The following NR2F1-AS1 variants were observed in gnomAD, a reference collection of about 807,000 sequenced individuals.
NR2F1-AS1 encodes the protein NR2F1 regulatory antisense RNA 1.
intron 4 of NR2F1-AS1, among the ~76,000 whole-genome samples, chr5:93,412,659 A>G (rs1030625293): frequency 4.6e-5 from 7 of 152,144 alleles, no homozygotes; most frequent in African/African-American, 1.7e-4. Flanking sequence ...CGGTTGCCTT[A>G]TGCCTTGCCC....
At chr5:93,415,678 G>A (rs1220678413) in intron 4 of NR2F1-AS1, among the ~76,000 whole-genome samples, 3 of 152,106 alleles carry the variant, frequency 2.0e-5, no homozygotes, top group Non-Finnish European at 2.9e-5. Flanking sequence ...AAAGTCAAAG[G>A]CACATTGCCC....
chr5:93,551,645 A>G (rs1200812937), intron 4 of NR2F1-AS1, among the ~76,000 whole-genome samples: 4 of 152,014 alleles, frequency 2.6e-5, no homozygotes, highest in Non-Finnish European at 5.9e-5. Context: ...TCCTCCTTTG[A>G]TTTACTCTTC....
intron 4 of NR2F1-AS1, among the ~76,000 whole-genome samples, chr5:93,534,306 C>T (rs894987821): frequency 2.0e-5 from 3 of 152,104 alleles, no homozygotes; most frequent in African/African-American, 7.2e-5. Context: ...GGTTACTTGG[C>T]TAGCAAATAA....
intron 4 of NR2F1-AS1, among the ~76,000 whole-genome samples, chr5:93,443,279 A>G (rs1297126102): frequency 6.6e-6 from 1 of 152,212 alleles, no homozygotes; most frequent in African/African-American, 2.4e-5. Flanking sequence ...TGAACCCATC[A>G]CAAAGAAGCT....
In NR2F1-AS1 at chr5:93,579,893, G is replaced by C. The variant is rs1348161680; in HGVS notation, n.313+574C>G. ...AGCGGCTCGATGTCCCTTTTAATCC[G>C]CTGACACTATCGCCCACATCAGACA... On this transcript the variant is annotated intron_variant and non_coding_transcript_variant, in intron 1 of 5. Transcript: ENST00000660523. The surrounding 1 kb of genome is among the most constrained non-coding windows in gnomAD (Gnocchi z 5.1). 2.6e-5 allele frequency among the ~76,000 whole-genome samples: 4 copies of C among 152,302 alleles called. No homozygotes were observed. In the East Asian group the frequency reaches 7.8e-4, roughly 30 times the overall value.
intron 4 of NR2F1-AS1, among the ~76,000 whole-genome samples, chr5:93,476,323 G>A (rs1750483702): frequency 6.6e-6 from 1 of 152,096 alleles, no homozygotes; most frequent in Non-Finnish European, 1.5e-5. Flanking sequence ...AACAATGCCA[G>A]CATCATCATT....
rs547312028 is a variant in NR2F1-AS1, at chr5:93,489,102, T to C, written n.638+64659A>G. On this transcript the variant is annotated intron_variant and non_coding_transcript_variant, in intron 4 of 5. Coordinates refer to ENST00000660523, the Ensembl canonical transcript of NR2F1-AS1. The stretch of plus-strand genomic sequence containing the variant: ...TCACACAGTGGGGCCTGTTGGAGGG[T>C]GGAGGACTATGGAAGGGATAGCATT... 6.0e-5 allele frequency among the ~76,000 whole-genome samples: 9 copies of C among 150,888 alleles called. No homozygotes were observed. In the South Asian group the frequency reaches 1.9e-3, roughly 32 times the overall value.
At chr5:93,459,888 C>A (rs1158172471) in intron 4 of NR2F1-AS1, among the ~76,000 whole-genome samples, 1 of 152,072 alleles carries the variant, frequency 6.6e-6, no homozygotes, top group African/African-American at 2.4e-5. Flanking sequence ...TAAGGAAACC[C>A]TACAAGGAGC....
chr5:93,519,525 T>C (rs1408821879), intron 4 of NR2F1-AS1, among the ~76,000 whole-genome samples: 1 of 152,024 alleles, frequency 6.6e-6, no homozygotes, highest in Non-Finnish European at 1.5e-5. Context: ...CTACACTGTA[T>C]GTTTTGGTAA....
chr5:93,505,322 T>TGTC (rs753819777), intron 4 of NR2F1-AS1, among the ~76,000 whole-genome samples: 10 of 152,284 alleles, frequency 6.6e-5, no homozygotes, highest in Non-Finnish European at 1.5e-4. Flanking sequence ...TAATGTTGCG[T>TGTC]GTCTGCAGCT....
chr5:93,457,098 T>C (rs764956791), intron 4 of NR2F1-AS1, among the ~76,000 whole-genome samples: 1 of 152,154 alleles, frequency 6.6e-6, no homozygotes, highest in Non-Finnish European at 1.5e-5. Flanking sequence ...GATGCCTTCC[T>C]CTTATCTCAA....
At chr5:93,584,167 G>A (rs949912359), upstream of NR2F1-AS1, 12 of 148,960 alleles carry the variant, frequency 8.1e-5, no homozygotes, top group Admixed American at 4.0e-4. Context: ...GACAGCGGCG[G>A]CGCCGCGGGC....
intron 4 of NR2F1-AS1, among the ~76,000 whole-genome samples, chr5:93,489,338 C>G (rs1388260639): frequency 6.6e-6 from 1 of 151,890 alleles, no homozygotes; most frequent in Non-Finnish European, 1.5e-5. Flanking sequence ...AGACCCTCCA[C>G]CGGCAAAAAG....
intron 4 of NR2F1-AS1, among the ~76,000 whole-genome samples, chr5:93,526,397 G>A (rs980719935): frequency 3.2e-4 from 49 of 152,200 alleles, no homozygotes; most frequent in African/African-American, 1.2e-3. Context: ...GAGATTCACA[G>A]ACGAATTCTA....
chr5:93,515,273 G>A (rs1195615023), intron 4 of NR2F1-AS1, among the ~76,000 whole-genome samples: 1 of 151,716 alleles, frequency 6.6e-6, no homozygotes, highest in Non-Finnish European at 1.5e-5. Context: ...AGTTTACCTA[G>A]CTAATTATGG....
chr5:93,572,524 C>G (rs1169541527), intron 1 of NR2F1-AS1, among the ~76,000 whole-genome samples: 1 of 152,192 alleles, frequency 6.6e-6, no homozygotes, highest in Non-Finnish European at 1.5e-5. Flanking sequence ...CCTCGCTCCC[C>G]GCAGCCACGC....
intron 4 of NR2F1-AS1, among the ~76,000 whole-genome samples, chr5:93,517,949 A>G (rs1379715736): frequency 2.0e-5 from 3 of 152,042 alleles, no homozygotes; most frequent in African/African-American, 7.2e-5. Flanking sequence ...GATTAAAAAA[A>G]CCATTCATTA....
intron 4 of NR2F1-AS1, among the ~76,000 whole-genome samples, chr5:93,449,315 G>A (rs1002253917): frequency 1.3e-5 from 2 of 152,054 alleles, no homozygotes. Context: ...AGTATGAGTA[G>A]AGTTTATATT....
chr5:93,531,820 C>T (rs115336961), intron 4 of NR2F1-AS1, among the ~76,000 whole-genome samples: 5 of 152,238 alleles, frequency 3.3e-5, no homozygotes, highest in Non-Finnish European at 5.9e-5. Context: ...AACACAATAA[C>T]CAATGAACTG....
Sources: allele counts gnomAD v4.1 joint callset (sites outside exome capture counted in the v4.1 genomes callset), GRCh38; gene constraint gnomAD v4.1.1; non-coding constraint Gnocchi (gnomAD v3.1); transcripts MANE v1.5; gene names NCBI Gene and HGNC (gene_info 2026-07-23, HGNC 2026-07-21).